Variants in IMPG1 observed in about 807,000 individuals in gnomAD.
The protein encoded by IMPG1 is interphotoreceptor matrix proteoglycan 1.
IMPG1 carries 85 observed loss-of-function variants against 92.0 expected under a neutral mutation model. The ratio of observed to expected loss-of-function variants is 0.92; its 90% CI spans 0.78 to 1.11. The LOEUF (loss-of-function observed/expected upper bound fraction) is 1.11, where lower values mean the gene tolerates loss of function less well. Among genes scored for constraint, IMPG1 ranks in the 50% least tolerant of loss-of-function variants. The probability of loss-of-function intolerance (pLI) is 0.00; values close to 1 mark genes in which losing one functional copy is unlikely to be tolerated. For missense variants in IMPG1, 1,022 were observed against 956.0 expected (o/e 1.07, Z -0.91); for synonymous variants, 367 against 334.1 (o/e 1.10, Z -1.08).
chr6:75,948,876 C>G (rs62414829), intron 13 of IMPG1, among the ~76,000 whole-genome samples: 1 of 152,092 alleles, frequency 6.6e-6, no homozygotes, highest in African/African-American at 2.4e-5. Flanking sequence ...CCCTCAGCTT[C>G]CTCTCTGCTT....
At chr6:76,015,747 C>A (rs1783274278) in intron 7 of IMPG1, among the ~76,000 whole-genome samples, 2 of 131,320 alleles carry the variant, frequency 1.5e-5, no homozygotes, top group Non-Finnish European at 3.1e-5. Context: ...TTGCAGTGAG[C>A]TGAGATGGCA....
intron 1 of IMPG1, among the ~76,000 whole-genome samples, chr6:76,063,685 G>A (rs981979426): frequency 6.6e-6 from 1 of 152,294 alleles, no homozygotes; most frequent in East Asian, 1.9e-4. Flanking sequence ...GGAAATCTCA[G>A]CCCTTGTGTT....
chr6:76,003,733 C>A, intron 11 of IMPG1, 141 bp downstream of exon 11: 1 of 621,302 alleles, frequency 1.6e-6, no homozygotes, highest in Non-Finnish European at 2.8e-6. Context: ...TAAGCAAGTG[C>A]TGCTTGTAAA....
chr6:75,978,388 C>T (rs1473237565), intron 12 of IMPG1, among the ~76,000 whole-genome samples: 5 of 152,052 alleles, frequency 3.3e-5, no homozygotes, highest in Admixed American at 6.6e-5. Flanking sequence ...TTGTTGTTGA[C>T]GTATTTTGCT....
At chr6:75,973,172 T>G (rs74957409) in intron 12 of IMPG1, among the ~76,000 whole-genome samples, 2,116 of 149,542 alleles carry the variant, frequency 0.014, 49 homozygotes, top group African/African-American at 0.051. Flanking sequence ...TAAAGACGGG[T>G]TCTCACTCTG....
At chr6:76,034,810 G>A (rs1783710088) in intron 2 of IMPG1, 23 bp from the exon 3 acceptor site, 2 of 1,603,622 alleles carry the variant, frequency 1.2e-6, no homozygotes, top group Non-Finnish European at 1.7e-6. Context: ...GTCATTAATG[G>A]CCATGCCCTA....
intron 12 of IMPG1, among the ~76,000 whole-genome samples, chr6:75,955,750 T>C (rs1016021444): frequency 6.6e-6 from 1 of 152,224 alleles, no homozygotes; most frequent in African/African-American, 2.4e-5. Flanking sequence ...CATTAATAGC[T>C]CTTATTATTT....
At chr6:76,059,798 G>A (rs1784175044) in intron 1 of IMPG1, among the ~76,000 whole-genome samples, 1 of 152,148 alleles carries the variant, frequency 6.6e-6, no homozygotes, top group Admixed American at 6.6e-5. Context: ...AAAAAGATAT[G>A]TTAATCTAAA....
intron 16 of IMPG1, among the ~76,000 whole-genome samples, chr6:75,923,398 A>G (rs1014884845): frequency 2.6e-5 from 4 of 152,122 alleles, no homozygotes; most frequent in African/African-American, 9.7e-5. Flanking sequence ...GATTGGAAAT[A>G]TTATAAAATA....
intron 1 of IMPG1, among the ~76,000 whole-genome samples, chr6:76,067,281 A>C (rs1456110657): frequency 6.6e-6 from 1 of 152,096 alleles, no homozygotes; most frequent in African/African-American, 2.4e-5. Context: ...GAATATTGAA[A>C]GACTGCCAGC....
chr6:75,929,938 G>C (rs1474439589), intron 15 of IMPG1, among the ~76,000 whole-genome samples: 1 of 151,978 alleles, frequency 6.6e-6, no homozygotes, highest in Non-Finnish European at 1.5e-5. Context: ...TGGCACCCTT[G>C]TGGAAAATTA....
chr6:76,071,249 GTTAAA>G (rs1272708928), intron 1 of IMPG1, among the ~76,000 whole-genome samples: 1 of 149,310 alleles, frequency 6.7e-6, no homozygotes, highest in Non-Finnish European at 1.5e-5. Context: ...AGAAAAAATC[GTTAAA>G]TTAACAGAAT....
chr6:75,962,489 C>G (rs1480372201), intron 12 of IMPG1, among the ~76,000 whole-genome samples: 1 of 152,038 alleles, frequency 6.6e-6, no homozygotes, highest in Non-Finnish European at 1.5e-5. Context: ...ATTTCTTAAC[C>G]TGACAAAACT....
chr6:75,922,096 C>G lies in IMPG1; in HGVS notation c.2387G>C (p.Gly796Ala), dbSNP rs1781439816. The G allele has an allele frequency of 7.6e-7, 1 of 1,315,118 alleles. No individual in the cohort carries two copies. Among genetic ancestry groups the G allele is most frequent in the Non-Finnish European group, 1.1e-6 (1 of 921,900 alleles). The allele number at this position is 1,315,118 out of a possible 1,614,324, so 81.5% of individuals were successfully genotyped here. The change falls in exon 17 of 17, where the codon GGA becomes GCA. Residue 796 changes from glycine (G) to alanine (A), a missense_variant. Physicochemically the swap from Gly to Ala is moderately conservative, Grantham distance 60. Coordinates refer to ENST00000369950, the MANE Select transcript of IMPG1 (RefSeq NM_001563.4). ...ATTGTACATTTTCAGTTTTTAATTT[C>G]CTTCCCAATCTTGATGGTTAAATTC... ...YEEFNHQDWE[G>A]N
chr6:76,056,517 G>A (rs1339635065), intron 1 of IMPG1, among the ~76,000 whole-genome samples: 1 of 152,072 alleles, frequency 6.6e-6, no homozygotes, highest in Non-Finnish European at 1.5e-5. Flanking sequence ...ATATCTATGG[G>A]GTGCTTATTT....
intron 12 of IMPG1, among the ~76,000 whole-genome samples, chr6:75,991,130 C>T (rs1269307505): frequency 2.0e-5 from 3 of 152,132 alleles, no homozygotes; most frequent in South Asian, 2.1e-4. Flanking sequence ...CGGTGGTTCA[C>T]GCCTATAATC....
At chr6:76,063,748 C>T (rs2153704) in intron 1 of IMPG1, among the ~76,000 whole-genome samples, 7,039 of 152,286 alleles carry the variant, frequency 0.046, 550 homozygotes, top group African/African-American at 0.16. Context: ...AAAATTGCAG[C>T]AGCCACATAG....
chr6:76,018,523 C>T (rs764845360), intron 7 of IMPG1, among the ~76,000 whole-genome samples, 195 bp downstream of exon 7: 1 of 152,170 alleles, frequency 6.6e-6, no homozygotes, highest in Non-Finnish European at 1.5e-5. Flanking sequence ...AATAGAAAGG[C>T]TGGAATGAAA....
intron 4 of IMPG1, among the ~76,000 whole-genome samples, chr6:76,028,680 A>G (rs1174291197): frequency 6.6e-6 from 1 of 152,162 alleles, no homozygotes; most frequent in Admixed American, 6.5e-5. Flanking sequence ...AATAGAAAAA[A>G]TCAGCCAGGC....
Sources: allele counts gnomAD v4.1 joint callset (sites outside exome capture counted in the v4.1 genomes callset), GRCh38; gene constraint gnomAD v4.1.1; transcripts MANE v1.5; gene names NCBI Gene and HGNC (gene_info 2026-07-23, HGNC 2026-07-21).